The following COL22A1 variants were observed in gnomAD, a reference collection of about 807,000 sequenced individuals.
COL22A1 encodes the protein collagen alpha-1(XXII) chain.
Under a neutral mutation model 248.9 loss-of-function variants are expected in COL22A1, and 221 were observed. The observed-to-expected ratio is 0.89, with a 90% confidence interval of 0.80 to 0.99. The LOEUF is 0.99. Among genes scored for constraint, COL22A1 ranks in the 50% least tolerant of loss-of-function variants. The probability of loss-of-function intolerance (pLI) is 0.00; values close to 1 mark genes in which losing one functional copy is unlikely to be tolerated. For missense variants in COL22A1, 2,240 were observed against 2,179.0 expected, an observed-to-expected ratio of 1.03 and a Z score of -0.56; for synonymous variants, 891 against 793.4, an observed-to-expected ratio of 1.12 and a Z score of -2.07.
chr8:138,679,786 C>T (rs1825823195), intron 39 of COL22A1, 110 bp from the exon 40 acceptor site: 1 of 997,178 alleles, frequency 1.0e-6, no homozygotes, highest in South Asian at 1.3e-5. Flanking sequence ...TCTGTATCCA[C>T]AGTGTCCAGA....
At chr8:138,631,207 C>A (rs1820695174) in intron 49 of COL22A1, among the ~76,000 whole-genome samples, 2 of 152,158 alleles carry the variant, frequency 1.3e-5, no homozygotes, top group Admixed American at 6.5e-5. Context: ...TCAGGTATTT[C>A]TTTGTAGCAA....
chr8:138,635,578 TAG>T (rs1339416896), intron 48 of COL22A1, among the ~76,000 whole-genome samples: 1 of 152,190 alleles, frequency 6.6e-6, no homozygotes, highest in African/African-American at 2.4e-5. Flanking sequence ...TCTCCATGTG[TAG>T]AGGAGTCTAT....
intron 63 of COL22A1, among the ~76,000 whole-genome samples, 181 bp downstream of exon 63, chr8:138,593,836 T>G (rs1164597143): frequency 1.3e-5 from 2 of 152,202 alleles, no homozygotes; most frequent in Non-Finnish European, 2.9e-5. Context: ...TTTGTAAAAA[T>G]GTCAAGTATG....
intron 47 of COL22A1, among the ~76,000 whole-genome samples, chr8:138,638,112 C>T (rs1009199592): frequency 1.3e-5 from 2 of 151,536 alleles, no homozygotes; most frequent in African/African-American, 4.8e-5. Context: ...AAATATACAA[C>T]CTACCAAAAA....
At chr8:138,751,718 A>G (rs921888526) in intron 21 of COL22A1, among the ~76,000 whole-genome samples, 1 of 152,250 alleles carries the variant, frequency 6.6e-6, no homozygotes, top group Non-Finnish European at 1.5e-5. Context: ...TATGTTGAGC[A>G]GTCAGGATGT....
chr8:138,880,507 T>C (rs1166915201), intron 2 of COL22A1, among the ~76,000 whole-genome samples: 1 of 152,218 alleles, frequency 6.6e-6, no homozygotes, highest in Non-Finnish European at 1.5e-5. Context: ...AACAATAAAG[T>C]TATACGAATT....
intron 54 of COL22A1, 112 bp downstream of exon 54, chr8:138,616,796 CTCCACG>C (rs1455510461): frequency 7.9e-6 from 9 of 1,142,250 alleles, no homozygotes; most frequent in Non-Finnish European, 1.2e-5. Context: ...TGCTGGTGTG[CTCCACG>C]TCCTCTCTCG....
At chr8:138,671,763 G>T (rs1202905992) in intron 41 of COL22A1, among the ~76,000 whole-genome samples, 2 of 152,194 alleles carry the variant, frequency 1.3e-5, no homozygotes, top group Non-Finnish European at 2.9e-5. Flanking sequence ...AGCTGTGGCT[G>T]CAGCCATTTC....
chr8:138,853,026 A>C (rs1821758325), intron 3 of COL22A1, among the ~76,000 whole-genome samples: 1 of 152,042 alleles, frequency 6.6e-6, no homozygotes, highest in African/African-American at 2.4e-5. Context: ...ACATACAAAA[A>C]TTAGCAGCAC....
intron 1 of COL22A1, among the ~76,000 whole-genome samples, chr8:138,912,825 C>T (rs913099477): frequency 6.6e-6 from 1 of 152,020 alleles, no homozygotes; most frequent in East Asian, 1.9e-4. Flanking sequence ...GAGGGGGACC[C>T]GGCACACAGC....
intron 3 of COL22A1, among the ~76,000 whole-genome samples, chr8:138,867,949 C>G (rs181143269): frequency 4.9e-4 from 74 of 152,088 alleles, no homozygotes; most frequent in East Asian, 9.7e-4. Flanking sequence ...ATTTTTAGTA[C>G]AGACAGGGTT....
At chr8:138,710,647 G>A (rs1828885912) in intron 30 of COL22A1, among the ~76,000 whole-genome samples, 1 of 151,298 alleles carries the variant, frequency 6.6e-6, no homozygotes, top group African/African-American at 2.4e-5. Flanking sequence ...AAGAAACTGA[G>A]GCATAAAAAT....
intron 3 of COL22A1, among the ~76,000 whole-genome samples, chr8:138,848,040 C>T (rs903253993): frequency 1.3e-5 from 2 of 152,078 alleles, no homozygotes; most frequent in African/African-American, 4.8e-5. Context: ...CCTTCTCTAT[C>T]CCAATAAATA....
intron 49 of COL22A1, among the ~76,000 whole-genome samples, 182 bp downstream of exon 49, chr8:138,634,828 G>A (rs144313944): frequency 4.6e-4 from 70 of 152,284 alleles, no homozygotes; most frequent in Non-Finnish European, 8.8e-4. Flanking sequence ...ACTCCAGACC[G>A]TCTGCACTTT....
chr8:138,750,266 T>C (rs771779826), intron 22 of COL22A1, among the ~76,000 whole-genome samples: 118 of 152,318 alleles, frequency 7.7e-4, no homozygotes, highest in Admixed American at 9.8e-4. Flanking sequence ...ATACAATCTC[T>C]CTCACCCAGT....
chr8:138,849,649 G>A (rs1474259009), intron 3 of COL22A1, among the ~76,000 whole-genome samples: 1 of 152,216 alleles, frequency 6.6e-6, no homozygotes, highest in African/African-American at 2.4e-5. Flanking sequence ...TGGTCAGTTT[G>A]CTACTTTCTA....
At chr8:138,793,100 T>C (rs1816209029) in intron 12 of COL22A1, among the ~76,000 whole-genome samples, 2 of 152,124 alleles carry the variant, frequency 1.3e-5, no homozygotes, top group Admixed American at 6.5e-5. Context: ...ATTCCAAATA[T>C]ATAAAAAGAA....
At chr8:138,722,586 C>G (rs1266448962) in intron 25 of COL22A1, among the ~76,000 whole-genome samples, 2 of 152,208 alleles carry the variant, frequency 1.3e-5, no homozygotes, top group Non-Finnish European at 2.9e-5. Context: ...CGAATGCCAG[C>G]ACTGAGGAGC....
intron 30 of COL22A1, among the ~76,000 whole-genome samples, chr8:138,710,621 C>A (rs1586534503): frequency 1.1e-5 from 1 of 88,758 alleles, no homozygotes; most frequent in African/African-American, 4.2e-5. Context: ...ATATATATAT[C>A]TCCATTTCAC....
Sources: allele counts gnomAD v4.1 joint callset (sites outside exome capture counted in the v4.1 genomes callset), GRCh38; gene constraint gnomAD v4.1.1; transcripts MANE v1.5; gene names NCBI Gene and HGNC (gene_info 2026-07-23, HGNC 2026-07-21).